The following SRXN1 variants were observed in gnomAD, a reference collection of about 807,000 sequenced individuals.
SRXN1 encodes sulfiredoxin-1.
Under a neutral mutation model 11.0 loss-of-function variants are expected in SRXN1, and 11 were observed. The observed-to-expected ratio is 1.00, with a 90% CI of 0.63 to 1.65. SRXN1 has a LOEUF of 1.65. SRXN1 is among the 40% of genes most tolerant of loss of function. SRXN1 has a pLI of 0.00. For missense variants in SRXN1, 211 were observed against 194.5 expected, an observed-to-expected ratio of 1.08 and a Z score of -0.50; for synonymous variants, 106 against 92.8, an observed-to-expected ratio of 1.14 and a Z score of -0.82.
At position 648,769 on chromosome 20, in the gene SRXN1, G is replaced by C; in HGVS notation, c.359C>G (p.Ser120Cys). 2 of 1,614,252 alleles carry C rather than the reference G, an allele frequency of 1.2e-6. No individual in the cohort carries two copies. Among genetic ancestry groups the C allele is most frequent in the Non-Finnish European group, 1.7e-6 (2 of 1,180,044 alleles). The change falls in exon 2 of 2, where the codon TCC (serine) becomes TGC (cysteine). Residue 120 changes from serine (S) to cysteine (C), a missense_variant. By Grantham distance (112) the Ser-to-Cys change is moderately radical. Transcript: ENST00000381962. The part of the protein sequence containing the change: ...RETIPAKLVQ[S>C]TLSDLRVYLG... Reference sequence around the variant, plus strand: ...GTACACCCTTAGGTCTGAGAGAGTGGACTGGACAAGCTTGGCGGGGATGGT... The same window carrying C: ...GTACACCCTTAGGTCTGAGAGAGTGCACTGGACAAGCTTGGCGGGGATGGT...
chr20:649,716 AAGAG>A (rs1236896200), intron 1 of SRXN1, among the ~76,000 whole-genome samples: 1 of 151,168 alleles, frequency 6.6e-6, no homozygotes, highest in Non-Finnish European at 1.5e-5. Context: ...AAAAAAAAAA[AAGAG>A]AGAAGTGGAA....
Position 648,665 on chromosome 20 carries a change from G to A in SRXN1, c.*49C>T, listed in dbSNP as rs373119393. On this transcript the variant is annotated 3_prime_UTR_variant, in exon 2 of 2. Transcript: ENST00000381962. ...GCATGGCCCAGCCTGCTGGAGGCCA[G>A]GTGTGTCTTCTGGGCTCTTGAAGGT... 6.2e-7 allele frequency: 1 copy of A among 1,602,200 alleles called. No homozygotes were observed. The highest frequency in any genetic ancestry group is 8.5e-7 in the Non-Finnish European group (1 of 1,169,884).
chr20:650,551 G>T (rs1983646960), intron 1 of SRXN1, among the ~76,000 whole-genome samples: 1 of 152,206 alleles, frequency 6.6e-6, no homozygotes, highest in South Asian at 2.1e-4. Flanking sequence ...GGCGTGGAAG[G>T]CCTCCTGCTG....
rs886598353 is a variant in SRXN1, at chr20:647,853, C to A, written c.*861G>T. ...AGCAAAAGCTAACTGGTACACAATT[C>A]TGCATTTCTCTCTTGGTAATGGGAT... On this transcript the variant is annotated 3_prime_UTR_variant, in exon 2 of 2. Transcript: ENST00000381962. 3.1e-5 allele frequency: 11 copies of A among 351,622 alleles called. No individual in the cohort carries two copies. The highest frequency in any genetic ancestry group is 5.0e-5 in the Non-Finnish European group (9 of 178,296). 21.8% of individuals were successfully genotyped at this position (351,622 alleles called of 1,614,324 possible). A position where few individuals can be genotyped will look rare whatever the true frequency, so the allele number is the denominator to read the frequency against.
At chr20:649,947 T>C (rs1047649146) in intron 1 of SRXN1, among the ~76,000 whole-genome samples, 4 of 152,174 alleles carry the variant, frequency 2.6e-5, no homozygotes, top group African/African-American at 9.7e-5. Context: ...TGCTCAGTAA[T>C]GTATGCTGTG....
chr20:651,773 G>A (rs1238212752), intron 1 of SRXN1, among the ~76,000 whole-genome samples: 1 of 152,076 alleles, frequency 6.6e-6, no homozygotes, highest in Non-Finnish European at 1.5e-5. Flanking sequence ...AACCCGGTAG[G>A]GATGGTCAGG....
Position 653,188 on chromosome 20 carries a change from TCGC to T in SRXN1, c.-6_-4del, listed in dbSNP as rs926951277. 4.2e-5 allele frequency: 52 copies of T among 1,231,718 alleles called. No homozygotes were observed. The highest frequency in any genetic ancestry group is 3.2e-4 in the Admixed American group (8 of 24,886). The allele number at this position is 1,231,718 out of a possible 1,614,324, so 76.3% of individuals were successfully genotyped here. ...GTTCCTCCTGCACGCAGCCCCATCGTCGCCGCCGCCGCGGGACTCGCCGCCTCC... is the reference window on the plus strand; with the variant it reads ...GTTCCTCCTGCACGCAGCCCCATCGTCGCCGCCGCGGGACTCGCCGCCTCC... On this transcript the variant is annotated 5_prime_UTR_variant, in exon 1 of 2. Transcript: ENST00000381962.
At chr20:651,348 G>A (rs116755228) in intron 1 of SRXN1, among the ~76,000 whole-genome samples, 397 of 152,300 alleles carry the variant, frequency 2.6e-3, no homozygotes, top group African/African-American at 8.8e-3. Flanking sequence ...CAAAGGCAGA[G>A]CTGGTTCTGG....
At chr20:648,981 TTTGTCCAC>T in intron 1 of SRXN1, 64 bp from the exon 2 acceptor site, 1 of 1,562,750 alleles carries the variant, frequency 6.4e-7, no homozygotes, top group Non-Finnish European at 8.7e-7. Context: ...TAAAGCAGAC[TTTGTCCAC>T]TTGTGCTGAG....
Position 648,564 on chromosome 20 carries a change from G to A in SRXN1, c.*150C>T, listed in dbSNP as rs1294888523. 2.3e-5 allele frequency: 19 copies of A among 839,676 alleles called. No homozygotes were observed. The highest frequency in any genetic ancestry group is 3.5e-5 in the Non-Finnish European group (18 of 520,008). 52.0% of individuals were successfully genotyped at this position (839,676 alleles called of 1,614,324 possible). On this transcript the variant is annotated 3_prime_UTR_variant, in exon 2 of 2. Coordinates refer to ENST00000381962, the MANE Select transcript of SRXN1 (RefSeq NM_080725.3). The stretch of plus-strand genomic sequence containing the variant: ...CACTGTACAGTGAGTCCAAGGCCTT[G>A]TAGCTGGTGAGAGGGGTGCCCAGAG...
At chr20:651,985 C>T (rs1307705614) in intron 1 of SRXN1, among the ~76,000 whole-genome samples, 5 of 152,146 alleles carry the variant, frequency 3.3e-5, no homozygotes, top group East Asian at 1.9e-4. Context: ...GTGGAGTGCA[C>T]GTGAGGTCAG....
Position 648,480 on chromosome 20 carries a change from A to G in SRXN1, c.*234T>C, listed in dbSNP as rs771765011. The G allele has an allele frequency of 1.5e-4, 98 of 656,740 alleles. No homozygotes were observed. The highest frequency in any genetic ancestry group is 2.4e-4 in the Non-Finnish European group (85 of 358,770). 40.7% of individuals were successfully genotyped at this position (656,740 alleles called of 1,614,324 possible). ...GCCCATCTCTGTTCTCCTTCTCGGTAATGCTTCAAGGGTAAGGCCATGATC... is the reference window on the plus strand; with the variant it reads ...GCCCATCTCTGTTCTCCTTCTCGGTGATGCTTCAAGGGTAAGGCCATGATC... On this transcript the variant is annotated 3_prime_UTR_variant, in exon 2 of 2. Coordinates refer to ENST00000381962, the MANE Select transcript of SRXN1 (RefSeq NM_080725.3).
chr20:646,757 T>A lies in SRXN1; in HGVS notation c.*1957A>T, dbSNP rs1292789809. The A allele has an allele frequency of 6.6e-6, 1 of 152,138 alleles. No homozygotes were observed. Among genetic ancestry groups the A allele is most frequent in the Non-Finnish European group, 1.5e-5 (1 of 68,032 alleles). 9.4% of individuals were successfully genotyped at this position (152,138 alleles called of 1,614,324 possible). The stretch of plus-strand genomic sequence containing the variant: ...ACATCTTACATCACCATGGTACATC[T>A]GTCAAAACCAAGAGACTGAAATTGG... On this transcript the variant is annotated 3_prime_UTR_variant, in exon 2 of 2. Coordinates refer to ENST00000381962, the MANE Select transcript of SRXN1 (RefSeq NM_080725.3).
At chr20:652,769 T>C (rs1280555262) in intron 1 of SRXN1, among the ~76,000 whole-genome samples, 1 of 152,170 alleles carries the variant, frequency 6.6e-6, no homozygotes, top group Non-Finnish European at 1.5e-5. Context: ...CTACTTTAAT[T>C]ATCTCGCCCA....
Position 648,105 on chromosome 20 carries a change from G to T in SRXN1, c.*609C>A, listed in dbSNP as rs745638271. 2.2e-6 allele frequency: 1 copy of T among 456,298 alleles called. No homozygotes were observed. Among genetic ancestry groups the T allele is most frequent in the East Asian group, 6.9e-5 (1 of 14,392 alleles). The allele number at this position is 456,298 out of a possible 1,614,324, so 28.3% of individuals were successfully genotyped here. A position where few individuals can be genotyped will look rare whatever the true frequency, so the allele number is the denominator to read the frequency against. Reference sequence around the variant, plus strand: ...TTTCTGATAGAAGGTGACGGGTCCAGCTAGTTTGGCCCTTCCTCTTCCTCC... The same window carrying T: ...TTTCTGATAGAAGGTGACGGGTCCATCTAGTTTGGCCCTTCCTCTTCCTCC... On this transcript the variant is annotated 3_prime_UTR_variant, in exon 2 of 2. Coordinates refer to ENST00000381962, the MANE Select transcript of SRXN1 (RefSeq NM_080725.3).
intron 1 of SRXN1, among the ~76,000 whole-genome samples, chr20:650,645 C>T (rs1983648952): frequency 1.3e-5 from 2 of 152,352 alleles, no homozygotes; most frequent in East Asian, 1.9e-4. Flanking sequence ...GCTCTGGAAC[C>T]TGGCACACCT....
Position 648,634 on chromosome 20 carries a change from C to A in SRXN1, c.*80G>T. 6.7e-7 allele frequency: 1 copy of A among 1,501,250 alleles called. No individual in the cohort carries two copies. The highest frequency in any genetic ancestry group is 1.2e-5 in the South Asian group (1 of 85,972). 93.0% of individuals were successfully genotyped at this position (1,501,250 alleles called of 1,614,324 possible). ...GCAAAGAGAATGCACCCCTGCTATCCCTTCTGCATGGCCCAGCCTGCTGGA... is the reference window on the plus strand; with the variant it reads ...GCAAAGAGAATGCACCCCTGCTATCACTTCTGCATGGCCCAGCCTGCTGGA... On this transcript the variant is annotated 3_prime_UTR_variant, in exon 2 of 2. Transcript: ENST00000381962.
chr20:651,805 G>A (rs1326150496), intron 1 of SRXN1, among the ~76,000 whole-genome samples: 1 of 152,112 alleles, frequency 6.6e-6, no homozygotes, highest in Non-Finnish European at 1.5e-5. Context: ...CACTGAGACA[G>A]GAAGACCGAG....
Position 647,796 on chromosome 20 carries a change from T to C in SRXN1, c.*918A>G, listed in dbSNP as rs1983568770. 2 of 344,312 alleles carry C rather than the reference T, an allele frequency of 5.8e-6. 1 individual carries two copies. Among genetic ancestry groups the C allele is most frequent in the South Asian group, 4.6e-5 (2 of 43,926 alleles). The allele number at this position is 344,312 out of a possible 1,614,324, so 21.3% of individuals were successfully genotyped here. A position where few individuals can be genotyped will look rare whatever the true frequency, so the allele number is the denominator to read the frequency against. ...TGTGGGAAAATACAGGGTTTGTTTC[T>C]AGCTGCCAAGTTTGGGGATGGTTTG... On this transcript the variant is annotated 3_prime_UTR_variant, in exon 2 of 2. Coordinates refer to ENST00000381962, the MANE Select transcript of SRXN1 (RefSeq NM_080725.3).
Sources: gnomAD v4.1 joint callset for allele counts (sites outside exome capture counted in the v4.1 genomes callset) on GRCh38, gnomAD v4.1.1 for gene constraint, MANE v1.5 for transcripts, NCBI Gene and HGNC (gene_info 2026-07-23, HGNC 2026-07-21) for gene names.